TRIL: variants seen among roughly 807,000 people sequenced by gnomAD.
TRIL encodes TLR4 interactor with leucine rich repeats.
A neutral mutation model predicts 43.0 loss-of-function variants in TRIL; 23 were observed. The observed-to-expected ratio is 0.54, with a 90% CI of 0.39 to 0.76. The LOEUF (loss-of-function observed/expected upper bound fraction) is 0.76. Ranked by LOEUF, TRIL falls within the 30% of genes least tolerant of loss-of-function variation. TRIL has a pLI of 0.00. For missense variants in TRIL, 1,114 were observed against 1,139.3 expected (o/e 0.98, Z 0.32); for synonymous variants, 602 against 556.8 (o/e 1.08, Z -1.14).
chr7:28,956,459 G>C lies in TRIL; in HGVS notation c.1588C>G (p.Pro530Ala). ...GAGCCAGGAGAGGCCGTTGGGGTGG[G>C]CTCCGCGAGGGCGGGATCTGCCCGA... is the stretch of plus-strand genomic sequence containing the variant. ...PTRADPALAEPTPTASPGSAP... is the reference protein window; with the variant it reads ...PTRADPALAEATPTASPGSAP... Residue 530 changes from proline (P) to alanine (A), a missense_variant, in exon 1 of 1, where the codon CCC becomes GCC. Transcript: ENST00000539664. 1 of 1,547,538 alleles carries C rather than the reference G, an allele frequency of 6.5e-7. No individual in the cohort carries two copies. The highest frequency in any genetic ancestry group is 8.7e-7 in the Non-Finnish European group (1 of 1,153,918).
At position 28,956,451 on chromosome 7, in the gene TRIL, T is replaced by C. The variant is rs777475207; in HGVS notation, c.1596A>G (p.Pro532=). The change falls in exon 1 of 1, where the codon CCA becomes CCG. Residue 532 remains proline, a synonymous_variant. Coordinates refer to ENST00000539664, the MANE Select transcript of TRIL (RefSeq NM_014817.4). ...ATGGCGCAGAGCCAGGAGAGGCCGTTGGGGTGGGCTCCGCGAGGGCGGGAT... is the reference window on the plus strand; with the variant it reads ...ATGGCGCAGAGCCAGGAGAGGCCGTCGGGGTGGGCTCCGCGAGGGCGGGAT... ...RADPALAEPT[P]TASPGSAPSP... 3.6e-5 allele frequency: 55 copies of C among 1,545,470 alleles called. No homozygotes were observed. Among genetic ancestry groups the C allele is most frequent in the Middle Eastern group, 1.8e-4 (1 of 5,590 alleles).
At position 28,955,643 on chromosome 7, in the gene TRIL, C is replaced by A; in HGVS notation, c.2404G>T (p.Glu802Ter). ...GCAAATCGCTGCAGGAGACGGTCCTCCCGTCTCAGGCTGCCGCCCGCGCCG... is the reference window on the plus strand; with the variant it reads ...GCAAATCGCTGCAGGAGACGGTCCTACCGTCTCAGGCTGCCGCCCGCGCCG... The part of the protein sequence containing the change: ...GGGAGGSLRR[E>*]DRLLQRFAD Residue 802 changes from glutamate (E) to a stop codon, truncating the protein, a stop_gained, in exon 1 of 1, where the codon GAG becomes TAG. Transcript: ENST00000539664. LOFTEE classifies it high-confidence loss of function. 1.3e-6 allele frequency: 2 copies of A among 1,545,666 alleles called. No homozygotes were observed. The highest frequency in any genetic ancestry group is 2.4e-5 in the East Asian group (1 of 40,874).
chr7:28,956,272 A>G lies in TRIL; in HGVS notation c.1775T>C (p.Val592Ala). ...GGCGCTGTCTGCGCCCACCGCCTCC[A>G]CCGTCAGGTTGCACAGAATGAACTT... ...FNKFILCNLT[V>A]EAVGADSASV... is the part of the protein sequence containing the mutation. The change falls in exon 1 of 1, where the codon GTG (valine) becomes GCG (alanine). Residue 592 changes from valine to alanine, a missense_variant. By Grantham distance (64) the Val-to-Ala change is moderately conservative (BLOSUM62 0). Transcript: ENST00000539664. 1 of 1,548,282 alleles carries G rather than the reference A, an allele frequency of 6.5e-7. No homozygotes were observed. Among genetic ancestry groups the G allele is most frequent in the Non-Finnish European group, 8.7e-7 (1 of 1,150,922 alleles).
At position 28,956,898 on chromosome 7, in the gene TRIL, G is replaced by A; in HGVS notation, c.1149C>T (p.Leu383=). 1 of 1,608,946 alleles carries A rather than the reference G, an allele frequency of 6.2e-7. No homozygotes were observed. Among genetic ancestry groups the A allele is most frequent in the Non-Finnish European group, 8.5e-7 (1 of 1,178,000 alleles). Residue 383 remains leucine (L), a synonymous_variant, in exon 1 of 1, where the codon CTC becomes CTT. Coordinates refer to ENST00000539664, the MANE Select transcript of TRIL (RefSeq NM_014817.4). ...WMGDWHSQGR[L]LTVFVQCRHP... ...GGCGACACTGCACGAAGACAGTGAG[G>A]AGCCGGCCCTGCGAGTGCCAGTCGC... is the stretch of plus-strand genomic sequence containing the variant.
chr7:28,956,715 T>G lies in TRIL; in HGVS notation c.1332A>C (p.Ala444=), dbSNP rs1322273216. Residue 444 remains alanine, a synonymous_variant, in exon 1 of 1, where the codon GCA becomes GCC. Transcript: ENST00000539664. ...TAAGEEMTPP[A]GLAEELPPQP... is the part of the protein sequence containing the mutation. Reference sequence around the variant, plus strand: ...GCGGCGGCAGCTCCTCCGCGAGACCTGCAGGTGGCGTCATCTCCTCCCCTG... The same window carrying G: ...GCGGCGGCAGCTCCTCCGCGAGACCGGCAGGTGGCGTCATCTCCTCCCCTG... 1 of 1,599,800 alleles carries G rather than the reference T, an allele frequency of 6.3e-7. No individual in the cohort carries two copies. Among genetic ancestry groups the G allele is most frequent in the South Asian group, 1.1e-5 (1 of 90,332 alleles).
In TRIL at chr7:28,957,687, C is replaced by G. The variant is rs1323363303; in HGVS notation, c.360G>C (p.Gln120His). Residue 120 changes from glutamine to histidine, a missense_variant, in exon 1 of 1, where the codon CAG (glutamine) becomes CAC (histidine). By Grantham distance (24) the Gln-to-His change is conservative (BLOSUM62 0). Transcript: ENST00000539664. ...GGGCCAGCGTGCCCGGGGCGAGCGCCTGCAAGAGGTTGTTCCCCAGGTACA... is the reference window on the plus strand; with the variant it reads ...GGGCCAGCGTGCCCGGGGCGAGCGCGTGCAAGAGGTTGTTCCCCAGGTACA... ...EELYLGNNLLQALAPGTLAPL... is the reference protein window; with the variant it reads ...EELYLGNNLLHALAPGTLAPL... 1 of 1,609,400 alleles carries G rather than the reference C, an allele frequency of 6.2e-7. No individual in the cohort carries two copies. Among genetic ancestry groups the G allele is most frequent in the Non-Finnish European group, 8.5e-7 (1 of 1,178,078 alleles).
chr7:28,958,229 G>A lies in TRIL; in HGVS notation c.-183C>T. ...GCCCGGGTCTCTGCAGGCGGGCTTC[G>A]CCCGGCCAAGTCAGGCGGCGCGGGG... On this transcript the variant is annotated 5_prime_UTR_variant, in exon 1 of 1. Transcript: ENST00000539664. The A allele has an allele frequency of 2.4e-6, 2 of 849,004 alleles. No homozygotes were observed. The highest frequency in any genetic ancestry group is 3.4e-6 in the Non-Finnish European group (2 of 584,562). The allele number at this position is 849,004 out of a possible 1,614,324, so 52.6% of individuals were successfully genotyped here. A position where few individuals can be genotyped will look rare whatever the true frequency, so the allele number is the denominator to read the frequency against.
chr7:28,955,856 T>G lies in TRIL; in HGVS notation c.2191A>C (p.Lys731Gln). Residue 731 changes from lysine to glutamine, a missense_variant, in exon 1 of 1, where the codon AAG becomes CAG. By Grantham distance (53) the Lys-to-Gln change is moderately conservative (BLOSUM62 1). Coordinates refer to ENST00000539664, the MANE Select transcript of TRIL (RefSeq NM_014817.4). The stretch of plus-strand genomic sequence containing the variant: ...CGAACGTGGACCGGGGCCCCGCCCT[T>G]CCGCCTAGCCCGCAGTTTCCTACGC... Reference protein sequence around the residue: ...WLRRKLRARRKGGAPVHVRHM... With the variant: ...WLRRKLRARRQGGAPVHVRHM... 1 of 1,549,784 alleles carries G rather than the reference T, an allele frequency of 6.5e-7. No individual in the cohort carries two copies. The highest frequency in any genetic ancestry group is 8.7e-7 in the Non-Finnish European group (1 of 1,146,800).
chr7:28,957,800 C>T lies in TRIL; in HGVS notation c.247G>A (p.Gly83Arg). The change falls in exon 1 of 1, where the codon GGG becomes AGG. Residue 83 changes from glycine to arginine, a missense_variant. By Grantham distance (125) the Gly-to-Arg change is moderately radical (BLOSUM62 -2). Transcript: ENST00000539664. The stretch of plus-strand genomic sequence containing the variant: ...TGCAGGTCCAGCCGTCTGAGCTGCC[C>T]CAGACGGTGGAAGTCGAAGGCCGTG... ...NITAFDFHRLGQLRRLDLQYN... is the reference protein window; with the variant it reads ...NITAFDFHRLRQLRRLDLQYN... 6.2e-7 allele frequency: 1 copy of T among 1,613,876 alleles called. No individual in the cohort carries two copies. The highest frequency in any genetic ancestry group is 1.3e-5 in the African/African-American group (1 of 75,064).
In TRIL at chr7:28,955,616, C is replaced by G; in HGVS notation, c.2431G>C (p.Asp811His). 1 of 1,537,278 alleles carries G rather than the reference C, an allele frequency of 6.5e-7. No homozygotes were observed. Among genetic ancestry groups the G allele is most frequent in the Non-Finnish European group, 8.7e-7 (1 of 1,143,354 alleles). Residue 811 changes from aspartate to histidine, a missense_variant, in exon 1 of 1, where the codon GAC (aspartate) becomes CAC (histidine). Coordinates refer to ENST00000539664, the MANE Select transcript of TRIL (RefSeq NM_014817.4). ...REDRLLQRFA[D>H] is the part of the protein sequence containing the mutation. ...GGTCTCTATATGCCCTGGACCTAGT[C>G]GGCAAATCGCTGCAGGAGACGGTCC...
rs199567184 is a variant in TRIL, at chr7:28,957,674, C to T, written c.373G>A (p.Gly125Ser). Residue 125 changes from glycine to serine, a missense_variant, in exon 1 of 1, where the codon GGC becomes AGC. Gly to Ser is a moderately conservative substitution (Grantham distance 56, BLOSUM62 0). Transcript: ENST00000539664. The part of the protein sequence containing the change: ...GNNLLQALAP[G>S]TLAPLRKLRI... ...AGCTTGCGCAGCGGGGCCAGCGTGCCCGGGGCGAGCGCCTGCAAGAGGTTG... is the reference window on the plus strand; with the variant it reads ...AGCTTGCGCAGCGGGGCCAGCGTGCTCGGGGCGAGCGCCTGCAAGAGGTTG... The T allele has an allele frequency of 6.3e-5, 102 of 1,608,346 alleles. No homozygotes were observed. The highest frequency in any genetic ancestry group is 4.3e-4 in the African/African-American group (32 of 74,844).
At position 28,958,060 on chromosome 7, in the gene TRIL, G is replaced by T. The variant is rs1467782849; in HGVS notation, c.-14C>A. On this transcript the variant is annotated 5_prime_UTR_variant, in exon 1 of 1. Transcript: ENST00000539664. ...GGCAGCCTCCATCGCCTCCCGCCCT[G>T]CGTGCAGCGGCCGGATCGTCCTCTT... 2 of 1,485,222 alleles carry T rather than the reference G, an allele frequency of 1.3e-6. No homozygotes were observed. The highest frequency in any genetic ancestry group is 1.8e-6 in the Non-Finnish European group (2 of 1,124,154). The allele number at this position is 1,485,222 out of a possible 1,614,324, so 92.0% of individuals were successfully genotyped here.
rs1773082699 is a variant in TRIL, at chr7:28,956,081, G to A, written c.1966C>T (p.Pro656Ser). Residue 656 changes from proline to serine, a missense_variant, in exon 1 of 1, where the codon CCC becomes TCC. Transcript: ENST00000539664. The stretch of plus-strand genomic sequence containing the variant: ...ACGCCCTCCACGCACACCAGGTAGG[G>A]GGTGTCCCCGCGCAGCTCGCGCAGC... The part of the protein sequence containing the change: ...ATLRELRGDT[P>S]YLVCVEGVLG... 2.6e-6 allele frequency: 4 copies of A among 1,554,174 alleles called. No individual in the cohort carries two copies. The highest frequency in any genetic ancestry group is 3.5e-6 in the Non-Finnish European group (4 of 1,152,460).
Position 28,958,229 on chromosome 7 carries a change from G to T in TRIL, c.-183C>A. ...GCCCGGGTCTCTGCAGGCGGGCTTC[G>T]CCCGGCCAAGTCAGGCGGCGCGGGG... On this transcript the variant is annotated 5_prime_UTR_variant, in exon 1 of 1. Coordinates refer to ENST00000539664, the MANE Select transcript of TRIL (RefSeq NM_014817.4). 1 of 849,006 alleles carries T rather than the reference G, an allele frequency of 1.2e-6. No individual in the cohort carries two copies. Among genetic ancestry groups the T allele is most frequent in the Non-Finnish European group, 1.7e-6 (1 of 584,564 alleles). The allele number at this position is 849,006 out of a possible 1,614,324, so 52.6% of individuals were successfully genotyped here.
At position 28,957,860 on chromosome 7, in the gene TRIL, T is replaced by A. The variant is rs1165857005; in HGVS notation, c.187A>T (p.Thr63Ser). 2 of 1,613,742 alleles carry A rather than the reference T, an allele frequency of 1.2e-6. No individual in the cohort carries two copies. Among genetic ancestry groups the A allele is most frequent in the Admixed American group, 1.7e-5 (1 of 60,030 alleles). The change falls in exon 1 of 1, where the codon ACC (threonine) becomes TCC (serine). Residue 63 changes from threonine (T) to serine (S), a missense_variant. Transcript: ENST00000539664. ...SSLPSPHDVL[T>S]YSLGGNFITN... ...ATGAAGTTGCCGCCGAGGCTGTAGGTGAGCACGTCGTGGGGGCTCGGCAGC... is the reference window on the plus strand; with the variant it reads ...ATGAAGTTGCCGCCGAGGCTGTAGGAGAGCACGTCGTGGGGGCTCGGCAGC...
Position 28,957,936 on chromosome 7 carries a change from C to G in TRIL, c.111G>C (p.Gln37His). The G allele has an allele frequency of 6.2e-7, 1 of 1,609,156 alleles. No individual in the cohort carries two copies. Among genetic ancestry groups the G allele is most frequent in the Admixed American group, 1.7e-5 (1 of 60,022 alleles). Residue 37 changes from glutamine (Q) to histidine (H), a missense_variant, in exon 1 of 1, where the codon CAG becomes CAC. Coordinates refer to ENST00000539664, the MANE Select transcript of TRIL (RefSeq NM_014817.4). ...CPERCDCQHP[Q>H]HLLCTNRGLR... ...GCCCCCTGTTGGTGCACAGGAGATG[C>G]TGGGGATGCTGGCAGTCGCAGCGCT...
In TRIL at chr7:28,956,992, T is replaced by C. The variant is rs1420291067; in HGVS notation, c.1055A>G (p.Tyr352Cys). Reference protein sequence around the residue: ...GDIFAASPALYRLDLDGNGWT... With the variant: ...GDIFAASPALCRLDLDGNGWT... ...GCCGTTGCCGTCTAGATCCAGCCGA[T>C]AAAGGGCTGGGCTGGCGGCGAAGAT... is the stretch of plus-strand genomic sequence containing the variant. The change falls in exon 1 of 1, where the codon TAT (tyrosine) becomes TGT (cysteine). Residue 352 changes from tyrosine to cysteine, a missense_variant. Transcript: ENST00000539664. The C allele has an allele frequency of 8.2e-6, 13 of 1,583,192 alleles. No homozygotes were observed. The highest frequency in any genetic ancestry group is 1.3e-5 in the African/African-American group (1 of 74,140).
chr7:28,957,936 C>T lies in TRIL; in HGVS notation c.111G>A (p.Gln37=). 6.2e-7 allele frequency: 1 copy of T among 1,609,156 alleles called. No individual in the cohort carries two copies. The highest frequency in any genetic ancestry group is 8.5e-7 in the Non-Finnish European group (1 of 1,179,780). The change falls in exon 1 of 1, where the codon CAG becomes CAA. Residue 37 remains glutamine, a synonymous_variant. Transcript: ENST00000539664. ...CPERCDCQHP[Q]HLLCTNRGLR... ...GCCCCCTGTTGGTGCACAGGAGATG[C>T]TGGGGATGCTGGCAGTCGCAGCGCT...
chr7:28,957,965 G>A lies in TRIL; in HGVS notation c.82C>T (p.Pro28Ser), dbSNP rs1025395390. The change falls in exon 1 of 1, where the codon CCG becomes TCG. Residue 28 changes from proline to serine, a missense_variant. Transcript: ENST00000539664. The stretch of plus-strand genomic sequence containing the variant: ...GGATGCTGGCAGTCGCAGCGCTCCG[G>A]GCACACGGGCTCGGCCAGCGGCGGG... ...ALPPLAEPVCPERCDCQHPQH... is the reference protein window; with the variant it reads ...ALPPLAEPVCSERCDCQHPQH... 1.2e-6 allele frequency: 2 copies of A among 1,605,054 alleles called. No homozygotes were observed. The highest frequency in any genetic ancestry group is 1.7e-5 in the Admixed American group (1 of 59,952).
Sources: allele counts gnomAD v4.1 joint callset, GRCh38; gene constraint gnomAD v4.1.1; transcripts MANE v1.5; gene names NCBI Gene and HGNC (gene_info 2026-07-23, HGNC 2026-07-21).